Variants in ZFP28 observed in about 807,000 individuals in gnomAD.
ZFP28 encodes zinc finger protein 28 homolog.
A neutral mutation model predicts 39.5 loss-of-function variants in ZFP28; 31 were observed. The ratio of observed to expected loss-of-function variants is 0.79; its 90% CI spans 0.59 to 1.06. The LOEUF is 1.06. Ranked by LOEUF, ZFP28 falls within the 50% of genes least tolerant of loss-of-function variation. ZFP28 has a pLI of 0.00. For synonymous variants in ZFP28, 400 were observed against 378.6 expected (o/e 1.06, Z -0.66); for missense variants, 925 against 1,048.4 (o/e 0.88, Z 1.63).
At chr19:56,548,848 TAA>T in intron 4 of ZFP28, 108 bp from the exon 5 acceptor site, 2 of 1,141,302 alleles carry the variant, frequency 1.8e-6, no homozygotes, top group South Asian at 3.6e-5. Flanking sequence ...TCCATAAAAA[TAA>T]ATGACTATAT....
intron 7 of ZFP28, chr19:56,552,024 C>T: frequency 3.2e-6 from 3 of 948,624 alleles, no homozygotes; most frequent in Non-Finnish European, 3.8e-6. Context: ...GTGATTTCTC[C>T]TATTTGTGTG....
intron 5 of ZFP28, among the ~76,000 whole-genome samples, chr19:56,549,602 G>A (rs1002671727): frequency 3.3e-5 from 5 of 151,992 alleles, no homozygotes; most frequent in Non-Finnish European, 7.4e-5. Flanking sequence ...GCATGAACCC[G>A]GGAGGCGGAG....
In ZFP28 at chr19:56,553,700, T is replaced by G. The variant is rs374368374; in HGVS notation, c.915T>G (p.His305Gln). 24 of 1,609,996 alleles carry G rather than the reference T, an allele frequency of 1.5e-5. No individual in the cohort carries two copies. The African/African-American group carries it at 2.9e-4, about 20-fold the overall frequency. ...GSLFSGQRSV[H>Q]ETQELFPKQD... ...ATCTTTCAGGCCAGCGATCTGTACA[T>G]GAGACCCAGGAATTATTTCCAAAGC... is the stretch of plus-strand genomic sequence containing the variant. The change falls in exon 8 of 8, where the codon CAT becomes CAG. Residue 305 changes from histidine (H) to glutamine (Q), a missense_variant. Transcript: ENST00000301318.
At chr19:56,549,985 G>A in intron 5 of ZFP28, 82 bp from the exon 6 acceptor site, 1 of 1,137,390 alleles carries the variant, frequency 8.8e-7, no homozygotes, top group East Asian at 2.6e-5. Flanking sequence ...CTTTTTTGCA[G>A]TGTGGACACA....
At chr19:56,543,009 C>T (rs2044209136) in intron 2 of ZFP28, among the ~76,000 whole-genome samples, 1 of 151,978 alleles carries the variant, frequency 6.6e-6, no homozygotes, top group South Asian at 2.1e-4. Context: ...TATGTGAAAT[C>T]GGAATACTTC....
At chr19:56,550,457 A>G (rs1416914941) in intron 6 of ZFP28, 53 bp from the exon 7 acceptor site, 5 of 1,506,368 alleles carry the variant, frequency 3.3e-6, no homozygotes, top group East Asian at 2.3e-5. Flanking sequence ...GTGGTTCTCA[A>G]TTTTAGGATG....
Position 56,554,671 on chromosome 19 carries a change from G to C in ZFP28, c.1886G>C (p.Ser629Thr). 1 of 1,613,464 alleles carries C rather than the reference G, an allele frequency of 6.2e-7. No individual in the cohort carries two copies. The highest frequency in any genetic ancestry group is 8.5e-7 in the Non-Finnish European group (1 of 1,179,502). Reference sequence around the variant, plus strand: ...GAGTGTGGAAAATCCTTCAGCATCAGTTCTCAGCTTGCCACTCATCAGAGA... The same window carrying C: ...GAGTGTGGAAAATCCTTCAGCATCACTTCTCAGCTTGCCACTCATCAGAGA... ...CAECGKSFSI[S>T]SQLATHQRIH... The change falls in exon 8 of 8, where the codon AGT becomes ACT. Residue 629 changes from serine to threonine, a missense_variant. Physicochemically the swap from Ser to Thr is moderately conservative, Grantham distance 58. Around this residue, in one of 2 missense-constraint regions of ZFP28, gnomAD observed 369 missense variants for 505.5 expected, o/e 0.73. Transcript: ENST00000301318. The surrounding 1 kb of genome is among the most constrained non-coding windows in gnomAD (Gnocchi z 6.7).
In ZFP28 at chr19:56,547,100, T is replaced by TA. The variant is rs2044248301; in HGVS notation, c.301-408_301-407insA. On this transcript the variant is annotated intron_variant, in intron 2 of 7. Transcript: ENST00000301318. The surrounding 1 kb of genome is among the most constrained non-coding windows in gnomAD (Gnocchi z 4.6). ...GAACAAATACCACAGAATGGGTGTC[T>TA]TAAACAACAGAAATTTCTTTTCTCA... 2 of 188,398 alleles carry TA rather than the reference T, an allele frequency of 1.1e-5. No homozygotes were observed. The allele number at this position is 188,398 out of a possible 1,614,324, so 11.7% of individuals were successfully genotyped here.
rs758263322 is a variant in ZFP28 at position 56,555,019 on chromosome 19, T to C, written c.2234T>C (p.Ile745Thr). ...GCATTCAAGACAAAATCCTCCCTTA[T>C]TTGTCATCGCAGAAGTCATACTGGA... ...GKAFKTKSSLICHRRSHTGEK... is the reference protein window; with the variant it reads ...GKAFKTKSSLTCHRRSHTGEK... Residue 745 changes from isoleucine (I) to threonine (T), a missense_variant, in exon 8 of 8, where the codon ATT becomes ACT. By Grantham distance (89) the Ile-to-Thr change is moderately conservative. Transcript: ENST00000301318. 3.1e-6 allele frequency: 5 copies of C among 1,614,152 alleles called. No individual in the cohort carries two copies. In the South Asian group the frequency reaches 4.4e-5, roughly 14 times the overall value.
At position 56,555,051 on chromosome 19, in the gene ZFP28, C is replaced by T; in HGVS notation, c.2266C>T (p.Pro756Ser). Reference sequence around the variant, plus strand: ...TCGCAGAAGTCATACTGGAGAAAAACCTTATGAATGCAGTGTGTGTGGCAA... The same window carrying T: ...TCGCAGAAGTCATACTGGAGAAAAATCTTATGAATGCAGTGTGTGTGGCAA... Reference protein sequence around the residue: ...CHRRSHTGEKPYECSVCGKAF... With the variant: ...CHRRSHTGEKSYECSVCGKAF... Residue 756 changes from proline (P) to serine (S), a missense_variant, in exon 8 of 8, where the codon CCT becomes TCT. Coordinates refer to ENST00000301318, the MANE Select transcript of ZFP28 (RefSeq NM_020828.2). The T allele has an allele frequency of 6.2e-7, 1 of 1,614,150 alleles. No homozygotes were observed. The highest frequency in any genetic ancestry group is 8.5e-7 in the Non-Finnish European group (1 of 1,180,036).
intron 5 of ZFP28, among the ~76,000 whole-genome samples, chr19:56,549,548 G>A (rs1395934366): frequency 6.6e-6 from 1 of 152,040 alleles, no homozygotes; most frequent in Non-Finnish European, 1.5e-5. Context: ...GTGCTGGCGG[G>A]CGCCTGTAGT....
chr19:56,539,052 C>A lies in ZFP28; in HGVS notation c.34C>A (p.Pro12Thr). ...RGAASASVRE[P>T]TPLPGRGAPR... ...GGCGGCGAGCGCGAGTGTCCGCGAGCCGACGCCGCTCCCGGGTAGAGGCGC... is the reference window on the plus strand; with the variant it reads ...GGCGGCGAGCGCGAGTGTCCGCGAGACGACGCCGCTCCCGGGTAGAGGCGC... Residue 12 changes from proline (P) to threonine (T), a missense_variant, in exon 1 of 8, where the codon CCG becomes ACG. Physicochemically the swap from Pro to Thr is conservative, Grantham distance 38 (BLOSUM62 -1). This residue lies in a region of ZFP28 where 556 missense variants were observed against 542.9 expected (regional missense o/e 1.02). Transcript: ENST00000301318. 6.7e-7 allele frequency: 1 copy of A among 1,498,656 alleles called. No homozygotes were observed. 92.8% of individuals were successfully genotyped at this position (1,498,656 alleles called of 1,614,324 possible).
rs1171158198 is a variant in ZFP28 at position 56,555,497 on chromosome 19, G to A, written c.*105G>A. On this transcript the variant is annotated 3_prime_UTR_variant, in exon 8 of 8. Transcript: ENST00000301318. ...TTATTAGTTAGTTCTTCACATAAGTGTAAATGTAACTTATTCACTCCTCTT... is the reference window on the plus strand; with the variant it reads ...TTATTAGTTAGTTCTTCACATAAGTATAAATGTAACTTATTCACTCCTCTT... 7.2e-6 allele frequency: 10 copies of A among 1,398,376 alleles called. No homozygotes were observed. Among genetic ancestry groups the A allele is most frequent in the African/African-American group, 4.3e-5 (3 of 69,186 alleles). 86.6% of individuals were successfully genotyped at this position (1,398,376 alleles called of 1,614,324 possible).
rs1486702150 is a variant in ZFP28, at chr19:56,554,757, G to T, written c.1972G>T (p.Ala658Ser). The change falls in exon 8 of 8, where the codon GCT becomes TCT. Residue 658 changes from alanine to serine, a missense_variant. By Grantham distance (99) the Ala-to-Ser change is moderately conservative (BLOSUM62 1). Around this residue, in one of 2 missense-constraint regions of ZFP28, gnomAD observed 369 missense variants for 505.5 expected, o/e 0.73. Transcript: ENST00000301318. This position sits in a 1 kb window ranked among gnomAD's most constrained non-coding sequence, Gnocchi z 6.7. ...KVCSKAFTQK[A>S]HLAQHQKTHT... Reference sequence around the variant, plus strand: ...TTGTAGTAAAGCGTTCACCCAGAAGGCTCACCTTGCACAGCATCAGAAAAC... The same window carrying T: ...TTGTAGTAAAGCGTTCACCCAGAAGTCTCACCTTGCACAGCATCAGAAAAC... 6.2e-7 allele frequency: 1 copy of T among 1,614,088 alleles called. No homozygotes were observed. Among genetic ancestry groups the T allele is most frequent in the South Asian group, 1.1e-5 (1 of 91,078 alleles).
At chr19:56,552,100 T>TTC in intron 7 of ZFP28, 1 of 602,910 alleles carries the variant, frequency 1.7e-6, no homozygotes, top group Non-Finnish European at 2.1e-6. Context: ...TATGAATATA[T>TTC]ATAATTTATT....
At position 56,539,821 on chromosome 19, in the gene ZFP28, C is replaced by T; in HGVS notation, c.300+105C>T. 1.2e-5 allele frequency: 12 copies of T among 1,025,956 alleles called. 1 individual carries two copies. The South Asian group carries it at 1.8e-4, about 16-fold the overall frequency. The allele number at this position is 1,025,956 out of a possible 1,614,324, so 63.6% of individuals were successfully genotyped here. A position where few individuals can be genotyped will look rare whatever the true frequency, so the allele number is the denominator to read the frequency against. On this transcript the variant is annotated intron_variant, in intron 2 of 7. Coordinates refer to ENST00000301318, the MANE Select transcript of ZFP28 (RefSeq NM_020828.2). ...TTTCAGTTTAAGAGACCTGTTTGGG[C>T]GCGGGTTTCTATTTCTTCACGTTCT...
chr19:56,539,196 G>C lies in ZFP28; in HGVS notation c.178G>C (p.Gly60Arg). 1.2e-6 allele frequency: 2 copies of C among 1,601,804 alleles called. No homozygotes were observed. The highest frequency in any genetic ancestry group is 1.7e-6 in the Non-Finnish European group (2 of 1,177,598). ...RNGLASKGQR[G>R]AAPTGPGHRA... The stretch of plus-strand genomic sequence containing the variant: ...TGGCCTCGCATCCAAAGGCCAGCGA[G>C]GAGCGGCCCCTACGGGGCCTGGGCA... The change falls in exon 1 of 8, where the codon GGA becomes CGA. Residue 60 changes from glycine (G) to arginine (R), a missense_variant. Gly to Arg is a moderately radical substitution (Grantham distance 125). Around this residue, in one of 2 missense-constraint regions of ZFP28, gnomAD observed 556 missense variants for 542.9 expected, o/e 1.02. Coordinates refer to ENST00000301318, the MANE Select transcript of ZFP28 (RefSeq NM_020828.2).
intron 2 of ZFP28, among the ~76,000 whole-genome samples, chr19:56,542,423 G>C (rs768189271): frequency 6.6e-6 from 1 of 152,230 alleles, no homozygotes; most frequent in Non-Finnish European, 1.5e-5. Context: ...AAATTGCTGC[G>C]ATTAGAGGTG....
chr19:56,548,032 G>A, intron 4 of ZFP28, 130 bp downstream of exon 4: 8 of 762,430 alleles, frequency 1.0e-5, no homozygotes, highest in East Asian at 5.6e-5. Flanking sequence ...TTACTATTTG[G>A]GAATACAGAA....
Sources: gnomAD v4.1 joint callset for allele counts (sites outside exome capture counted in the v4.1 genomes callset) on GRCh38, gnomAD v4.1.1 for gene constraint, gnomAD v4.1.1 regional missense constraint, Gnocchi (gnomAD v3.1) non-coding constraint, MANE v1.5 for transcripts, NCBI Gene and HGNC (gene_info 2026-07-23, HGNC 2026-07-21) for gene names.